Variants in UQCRH observed in about 807,000 individuals in gnomAD.
UQCRH encodes cytochrome b-c1 complex subunit 6, mitochondrial.
In UQCRH, 14 loss-of-function variants were observed where a neutral mutation model predicts 16.3. The observed-to-expected ratio is 0.86, with a 90% confidence interval of 0.57 to 1.34. The LOEUF is 1.34. Among genes scored for constraint, UQCRH ranks in the 40% most tolerant of loss-of-function variants. The probability of loss-of-function intolerance (pLI) is 0.00; values close to 1 mark genes in which losing one functional copy is unlikely to be tolerated. For synonymous variants in UQCRH, 41 were observed against 41.9 expected, an observed-to-expected ratio of 0.98 and a Z score of 0.08; for missense variants, 89 against 111.9, an observed-to-expected ratio of 0.80 and a Z score of 0.92.
rs148697121 is a variant in UQCRH at position 46,305,751 on chromosome 1, AAAATAAATAAAT to A, written c.54+1943_54+1954del. Among the ~76,000 whole-genome samples, 11 of 145,004 alleles carry A rather than the reference AAAATAAATAAAT, an allele frequency of 7.6e-5. No individual in the cohort carries two copies. The East Asian group carries it at 2.1e-3, about 27-fold the overall frequency. On this transcript the variant is annotated intron_variant, in intron 1 of 3. Transcript: ENST00000311672. ...GGGCGACAGAGCGAGACTCCGTCTC[AAAATAAATAAAT>A]AAATAAATAAAATAAAATAAACTAT...
intron 1 of UQCRH, 144 bp downstream of exon 1, chr1:46,303,964 C>T (rs1395744540): frequency 1.9e-6 from 2 of 1,043,088 alleles, no homozygotes; most frequent in Non-Finnish European, 1.4e-6. Context: ...TCGACCTTTC[C>T]CCAGAATTCG....
At position 46,310,308 on chromosome 1, in the gene UQCRH, G is replaced by A. The variant is rs1192304940; in HGVS notation, c.235G>A (p.Asp79Asn). 6.2e-7 allele frequency: 1 copy of A among 1,614,130 alleles called. No individual in the cohort carries two copies. Among genetic ancestry groups the A allele is most frequent in the East Asian group, 2.2e-5 (1 of 44,890 alleles). ...GCTCTTTGACTTCTTGCATGCGAGG[G>A]ACCATTGCGTAAGTCAGTGGGAAGT... ...EELFDFLHAR[D>N]HCVAHKLFNN... The change falls in exon 3 of 4, where the codon GAC (aspartate) becomes AAC (asparagine). Residue 79 changes from aspartate (D) to asparagine (N), a missense_variant. Transcript: ENST00000311672.
intron 3 of UQCRH, among the ~76,000 whole-genome samples, chr1:46,315,035 G>T (rs561854854): frequency 6.6e-6 from 1 of 152,186 alleles, no homozygotes; most frequent in Non-Finnish European, 1.5e-5. Context: ...GGCCTTGTGC[G>T]GTGGTTCACA....
chr1:46,312,736 C>T (rs1467067245), intron 3 of UQCRH, among the ~76,000 whole-genome samples: 1 of 151,882 alleles, frequency 6.6e-6, no homozygotes, highest in East Asian at 1.9e-4. Flanking sequence ...TAAAAATAAA[C>T]TTCTGCTTGA....
intron 3 of UQCRH, among the ~76,000 whole-genome samples, chr1:46,315,984 A>G (rs1300494799): frequency 6.6e-6 from 1 of 152,204 alleles, no homozygotes; most frequent in Non-Finnish European, 1.5e-5. Context: ...AGCATAGGAA[A>G]CAGAAGTAGA....
intron 3 of UQCRH, among the ~76,000 whole-genome samples, chr1:46,313,851 AAAC>A (rs908064750): frequency 3.3e-5 from 5 of 151,962 alleles, no homozygotes; most frequent in Admixed American, 6.6e-5. Flanking sequence ...AAAAAAAAAA[AAAC>A]AAGTTCTTTT....
intron 3 of UQCRH, 79 bp from the exon 4 acceptor site, chr1:46,316,473 G>A: frequency 1.3e-6 from 2 of 1,594,286 alleles, no homozygotes; most frequent in South Asian, 2.2e-5. Flanking sequence ...GGGCAGTACT[G>A]TTTCAGGTCT....
intron 3 of UQCRH, among the ~76,000 whole-genome samples, chr1:46,313,880 T>C (rs761131678): frequency 5.9e-5 from 9 of 151,542 alleles, no homozygotes; most frequent in South Asian, 2.1e-4. Context: ...AAATTAAACA[T>C]AGAATTATGT....
rs1661425043 is a variant in UQCRH at position 46,309,195 on chromosome 1, G to A, written c.81+68G>A. The A allele has an allele frequency of 1.9e-6, 3 of 1,561,588 alleles. No homozygotes were observed. In the African/African-American group the frequency reaches 4.1e-5, roughly 21 times the overall value. ...GGTTTGAGCTTCATGAAATTCTAAG[G>A]GCATTTTAAGGAGTTTTTACTTGAT... On this transcript the variant is annotated intron_variant, in intron 2 of 3. Coordinates refer to ENST00000311672, the MANE Select transcript of UQCRH (RefSeq NM_006004.4).
intron 3 of UQCRH, among the ~76,000 whole-genome samples, chr1:46,314,487 A>G (rs564131082): frequency 8.8e-4 from 134 of 152,082 alleles, no homozygotes; most frequent in African/African-American, 3.0e-3. Flanking sequence ...CTTGACCAAT[A>G]TGATGAAACC....
chr1:46,314,389 G>T (rs953536296), intron 3 of UQCRH, among the ~76,000 whole-genome samples: 2 of 151,600 alleles, frequency 1.3e-5, no homozygotes, highest in African/African-American at 4.8e-5. Flanking sequence ...AAAGAGAAGG[G>T]GCTGGGCATA....
intron 1 of UQCRH, among the ~76,000 whole-genome samples, chr1:46,304,232 T>G (rs577350193): frequency 5.2e-4 from 79 of 152,230 alleles, no homozygotes; most frequent in African/African-American, 1.9e-3. Flanking sequence ...CCTGGCCTTG[T>G]GTTCCTTTTC....
At chr1:46,307,611 C>G (rs1661400218) in intron 1 of UQCRH, among the ~76,000 whole-genome samples, 1 of 152,202 alleles carries the variant, frequency 6.6e-6, no homozygotes, top group African/African-American at 2.4e-5. Flanking sequence ...TTTTACACTA[C>G]TATCCTTGAA....
intron 1 of UQCRH, among the ~76,000 whole-genome samples, chr1:46,304,145 T>C (rs1225489028): frequency 6.6e-6 from 1 of 152,168 alleles, no homozygotes; most frequent in Non-Finnish European, 1.5e-5. Context: ...GTTTCACAGA[T>C]TTGGGGAGCA....
chr1:46,311,207 C>T (rs1012813353), intron 3 of UQCRH, among the ~76,000 whole-genome samples: 5 of 152,022 alleles, frequency 3.3e-5, no homozygotes, highest in African/African-American at 1.2e-4. Context: ...TCCCAACATG[C>T]ACCACTAAAC....
At chr1:46,309,851 T>C (rs1256114451) in intron 2 of UQCRH, 1 of 1,325,604 alleles carries the variant, frequency 7.5e-7, no homozygotes, top group African/African-American at 1.5e-5. Flanking sequence ...CTCCTATAGA[T>C]CTACTTCAAG....
rs1661305834 is a variant in UQCRH at position 46,303,855 on chromosome 1, G to A, written c.54+35G>A. On this transcript the variant is annotated intron_variant, in intron 1 of 3. Coordinates refer to ENST00000311672, the MANE Select transcript of UQCRH (RefSeq NM_006004.4). ...GGCGATCCACTCGGCCCTCTTCTCT[G>A]CCCTGAAGCCCAGGACCTAGCCCGC... 5 of 1,613,850 alleles carry A rather than the reference G, an allele frequency of 3.1e-6. No individual in the cohort carries two copies. In the South Asian group the frequency reaches 4.4e-5, roughly 14 times the overall value.
At chr1:46,305,592 A>G (rs1335303469) in intron 1 of UQCRH, among the ~76,000 whole-genome samples, 1 of 151,162 alleles carries the variant, frequency 6.6e-6, no homozygotes, top group Non-Finnish European at 1.5e-5. Context: ...TTCTCTACTG[A>G]AAATACAAAA....
rs1448047779 is a variant in UQCRH at position 46,310,187 on chromosome 1, G to A, written c.114G>A (p.Glu38=). 2.5e-6 allele frequency: 4 copies of A among 1,614,098 alleles called. No homozygotes were observed. The highest frequency in any genetic ancestry group is 3.4e-6 in the Non-Finnish European group (4 of 1,180,052). The part of the protein sequence containing the change: ...DPLTTVREQC[E]QLEKCVKARE... The stretch of plus-strand genomic sequence containing the variant: ...TAACAACAGTGAGAGAGCAATGCGA[G>A]CAGTTGGAGAAATGTGTAAAGGCCC... The change falls in exon 3 of 4, where the codon GAG becomes GAA. Residue 38 remains glutamate (E), a synonymous_variant. Coordinates refer to ENST00000311672, the MANE Select transcript of UQCRH (RefSeq NM_006004.4).
Sources: gnomAD v4.1 joint callset for allele counts (sites outside exome capture counted in the v4.1 genomes callset) on GRCh38, gnomAD v4.1.1 for gene constraint, MANE v1.5 for transcripts, NCBI Gene and HGNC (gene_info 2026-07-23, HGNC 2026-07-21) for gene names.